Variants in XDH observed in about 807,000 individuals in gnomAD.
XDH encodes the protein xanthine dehydrogenase.
In XDH, 138 loss-of-function variants were observed where a neutral mutation model predicts 156.1. That is an observed-to-expected ratio of 0.88 (90% CI 0.77 to 1.02). The LOEUF is 1.02. Among genes scored for constraint, XDH ranks in the 50% least tolerant of loss-of-function variants. The pLI is 0.00. For missense variants in XDH, 1,849 were observed against 1,684.9 expected (o/e 1.10, Z -1.71); for synonymous variants, 669 against 625.7 (o/e 1.07, Z -1.03).
rs143471207 is a variant in XDH, at chr2:31,350,083, G to A, written c.2772C>T (p.Ala924=). 5.8e-5 allele frequency: 94 copies of A among 1,614,190 alleles called. No homozygotes were observed. In the African/African-American group the frequency reaches 9.7e-4, roughly 17 times the overall value. ...GFGGPQGMLI[A]ECWMSEVAVT... ...CTGCAACTTCACTCATCCAGCACTC[G>A]GCAATGAGCATCCCCTGGGGCCCCC... is the stretch of plus-strand genomic sequence containing the variant. The change falls in exon 25 of 36, where the codon GCC becomes GCT. Residue 924 remains alanine (A), a synonymous_variant. Coordinates refer to ENST00000379416, the MANE Select transcript of XDH (RefSeq NM_000379.4).
chr2:31,335,005 G>C lies in XDH; in HGVS notation c.*953C>G. On this transcript the variant is annotated 3_prime_UTR_variant, in exon 36 of 36. Coordinates refer to ENST00000379416, the MANE Select transcript of XDH (RefSeq NM_000379.4). ...CCACCTCAGCCTTTCAAGTAGTTGG[G>C]ACTACAGGCATGCACTATCAAGACC... 1 of 152,072 alleles carries C rather than the reference G, an allele frequency of 6.6e-6. No individual in the cohort carries two copies. The highest frequency in any genetic ancestry group is 1.5e-5 in the Non-Finnish European group (1 of 68,014). The allele number at this position is 152,072 out of a possible 1,614,324, so 9.4% of individuals were successfully genotyped here.
chr2:31,366,876 C>A lies in XDH; in HGVS notation c.2316G>T (p.Lys772Asn). 1 of 1,614,194 alleles carries A rather than the reference C, an allele frequency of 6.2e-7. No homozygotes were observed. Among genetic ancestry groups the A allele is most frequent in the Non-Finnish European group, 8.5e-7 (1 of 1,180,038 alleles). Residue 772 changes from lysine to asparagine, a missense_variant, in exon 21 of 36, where the codon AAG (lysine) becomes AAT (asparagine). Physicochemically the swap from Lys to Asn is moderately conservative, Grantham distance 94. Transcript: ENST00000379416. Reference sequence around the variant, plus strand: ...TGACCCAAAAGGCATCTACCTGGGTCTTCATGGTGTTCTGTGTAGACACAA... The same window carrying A: ...TGACCCAAAAGGCATCTACCTGGGTATTCATGGTGTTCTGTGTAGACACAA... ...ELFVSTQNTM[K>N]TQSFVAKMLG...
At chr2:31,372,530 C>A in intron 16 of XDH, 133 bp from the exon 17 acceptor site, 1 of 1,224,018 alleles carries the variant, frequency 8.2e-7, no homozygotes, top group Middle Eastern at 2.7e-4. Flanking sequence ...TTCAGAGGGG[C>A]GTGGGGCAAA....
chr2:31,378,921 C>T (rs1250137308), intron 13 of XDH, among the ~76,000 whole-genome samples: 1 of 151,876 alleles, frequency 6.6e-6, no homozygotes, highest in East Asian at 1.9e-4. Context: ...ATGGTCTATA[C>T]AGACAAGCTA....
chr2:31,335,728 G>T lies in XDH; in HGVS notation c.*230C>A, dbSNP rs1054975498. The T allele has an allele frequency of 1.6e-6, 1 of 615,102 alleles. No homozygotes were observed. Among genetic ancestry groups the T allele is most frequent in the Admixed American group, 2.6e-5 (1 of 38,084 alleles). The allele number at this position is 615,102 out of a possible 1,614,324, so 38.1% of individuals were successfully genotyped here. On this transcript the variant is annotated 3_prime_UTR_variant, in exon 36 of 36. Transcript: ENST00000379416. ...AAACAGACAGAAAATGATCCTAATT[G>T]CATATTCACCATTTAGGCATAACAG...
rs1553411674 is a variant in XDH, at chr2:31,343,310, A to ATATATATATATATATGCATGTT, written c.3405-1014_3405-1013insAACATGCATATATATATATATA. On this transcript the variant is annotated intron_variant, in intron 31 of 35. Coordinates refer to ENST00000379416, the MANE Select transcript of XDH (RefSeq NM_000379.4). The stretch of plus-strand genomic sequence containing the variant: ...CATATATATATATATATATATATAT[A>ATATATATATATATATGCATGTT]TATATATATATATATATGCATGTTT... Among the ~76,000 whole-genome samples the ATATATATATATATATGCATGTT allele has an allele frequency of 5.2e-3, 531 of 101,558 alleles. 3 individuals carry two copies. Among genetic ancestry groups the ATATATATATATATATGCATGTT allele is most frequent in the African/African-American group, 7.1e-3 (154 of 21,600 alleles). 66.6% of individuals were successfully genotyped at this position (101,558 alleles called of 152,430 possible). A position where few individuals can be genotyped will look rare whatever the true frequency, so the allele number is the denominator to read the frequency against.
chr2:31,356,103 A>C (rs1594160), intron 24 of XDH, among the ~76,000 whole-genome samples: 112,896 of 152,012 alleles, frequency 0.74, 42,012 homozygotes, highest in East Asian at 0.85. Flanking sequence ...CCCCAAATAA[A>C]AGAGCTGAAA....
chr2:31,384,679 C>G (rs528551), intron 9 of XDH, among the ~76,000 whole-genome samples: 7,951 of 152,266 alleles, frequency 0.052, 368 homozygotes, highest in African/African-American at 0.12. Flanking sequence ...CTTTGCCCCC[C>G]CTTCCCCCCA....
At chr2:31,373,997 C>T (rs1686153969) in intron 15 of XDH, 41 bp from the exon 16 acceptor site, 1 of 1,580,344 alleles carries the variant, frequency 6.3e-7, no homozygotes, top group Non-Finnish European at 8.7e-7. Flanking sequence ...GATTATATTT[C>T]AATCACTGAT....
intron 6 of XDH, among the ~76,000 whole-genome samples, chr2:31,390,663 C>T (rs1686737923): frequency 6.6e-6 from 1 of 152,194 alleles, no homozygotes; most frequent in Non-Finnish European, 1.5e-5. Flanking sequence ...CACATCCTCA[C>T]CAGAATCTGA....
At chr2:31,397,300 G>A (rs1049304433) in intron 6 of XDH, among the ~76,000 whole-genome samples, 8 of 152,140 alleles carry the variant, frequency 5.3e-5, no homozygotes, top group South Asian at 2.1e-4. Context: ...GCAAGGCCAC[G>A]TTGTTATTAA....
intron 27 of XDH, among the ~76,000 whole-genome samples, 162 bp downstream of exon 27, chr2:31,348,737 A>G (rs1685369692): frequency 1.3e-5 from 2 of 152,224 alleles, no homozygotes; most frequent in South Asian, 2.1e-4. Flanking sequence ...GACCTACTGG[A>G]CAAATAGGAC....
At chr2:31,388,122 A>G in intron 7 of XDH, 105 bp downstream of exon 7, 2 of 1,316,732 alleles carry the variant, frequency 1.5e-6, no homozygotes, top group Non-Finnish European at 1.1e-6. Context: ...GACTCACCGT[A>G]GGTTCCTCTT....
In XDH at chr2:31,374,089, G is replaced by A. The variant is rs4952086; in HGVS notation, c.1603-133C>T. 371,366 of 892,892 alleles carry A rather than the reference G, an allele frequency of 0.42. 81,457 individuals are homozygous for A. Among genetic ancestry groups the A allele is most frequent in the African/African-American group, 0.68 (40,540 of 59,930 alleles). 55.3% of individuals were successfully genotyped at this position (892,892 alleles called of 1,614,324 possible). ...TCACTTCATACGCCTTTGAGTGCTG[G>A]CTGGATCTCTCAGCATCCAAACACG... On this transcript the variant is annotated intron_variant, in intron 15 of 35. Coordinates refer to ENST00000379416, the MANE Select transcript of XDH (RefSeq NM_000379.4).
At chr2:31,338,745 A>C (rs1685041371) in intron 34 of XDH, among the ~76,000 whole-genome samples, 2 of 84,860 alleles carry the variant, frequency 2.4e-5, no homozygotes, top group South Asian at 4.4e-4. Context: ...TTTTTTTGAG[A>C]CAGAGTCTCG....
At chr2:31,376,299 A>G (rs1220853652) in intron 14 of XDH, among the ~76,000 whole-genome samples, 1 of 150,530 alleles carries the variant, frequency 6.6e-6, no homozygotes, top group Non-Finnish European at 1.5e-5. Flanking sequence ...TAGAATCAAC[A>G]GCAACAGTAG....
intron 6 of XDH, among the ~76,000 whole-genome samples, chr2:31,395,722 C>T (rs950465806): frequency 6.6e-6 from 1 of 152,186 alleles, no homozygotes; most frequent in Non-Finnish European, 1.5e-5. Context: ...TCTGATATGC[C>T]GTGTCTGCCT....
rs1003203612 is a variant in XDH, at chr2:31,379,924, C to T, written c.1185G>A (p.Lys395=). ...MDHTFFPGYR[K]TLLSPEEILL... ...GTATCTCCTCCGGGCTCAGCAGGGTCTTTCTGTAGCCAGGGAAGAAGGTGT... is the reference window on the plus strand; with the variant it reads ...GTATCTCCTCCGGGCTCAGCAGGGTTTTTCTGTAGCCAGGGAAGAAGGTGT... Residue 395 remains lysine, a synonymous_variant, in exon 13 of 36, where the codon AAG becomes AAA. Transcript: ENST00000379416. The T allele has an allele frequency of 1.2e-6, 2 of 1,614,044 alleles. No homozygotes were observed. The highest frequency in any genetic ancestry group is 2.7e-5 in the African/African-American group (2 of 74,942).
intron 24 of XDH, among the ~76,000 whole-genome samples, chr2:31,351,196 G>A (rs181125118): frequency 3.1e-4 from 47 of 152,170 alleles, no homozygotes; most frequent in African/African-American, 1.1e-3. Context: ...TTATAACTCT[G>A]TAAACATTAC....
Sources: allele counts gnomAD v4.1 joint callset (sites outside exome capture counted in the v4.1 genomes callset), GRCh38; gene constraint gnomAD v4.1.1; transcripts MANE v1.5; gene names NCBI Gene and HGNC (gene_info 2026-07-23, HGNC 2026-07-21).